Variants in ARHGAP32 observed in about 807,000 individuals in gnomAD.
ARHGAP32 encodes Rho GTPase activating protein 32, also known as rho GTPase-activating protein 32.
In ARHGAP32, 51 loss-of-function variants were observed where a neutral mutation model predicts 186.5. That is an observed-to-expected ratio of 0.27 (90% CI 0.22 to 0.35). ARHGAP32 has a LOEUF of 0.35. Ranked by LOEUF, ARHGAP32 falls within the 10% of genes least tolerant of loss-of-function variation. ARHGAP32 has a pLI of 1.00. For missense variants in ARHGAP32, 2,186 were observed against 2,623.5 expected (o/e 0.83, Z 3.64); for synonymous variants, 950 against 964.3 (o/e 0.99, Z 0.27).
At chr11:129,103,693 G>A (rs1341207807) in intron 5 of ARHGAP32, among the ~76,000 whole-genome samples, 1 of 151,996 alleles carries the variant, frequency 6.6e-6, no homozygotes, top group African/African-American at 2.4e-5. Flanking sequence ...AATAACAGCT[G>A]ACTTCTCATC....
chr11:129,016,829 T>C (rs182823241), intron 11 of ARHGAP32, among the ~76,000 whole-genome samples: 32 of 152,352 alleles, frequency 2.1e-4, no homozygotes, highest in Non-Finnish European at 3.8e-4. Context: ...GATACTGAGC[T>C]TTCTTTTCCA....
intron 2 of ARHGAP32, among the ~76,000 whole-genome samples, chr11:129,152,229 T>G (rs779389755): frequency 4.6e-5 from 7 of 152,198 alleles, no homozygotes; most frequent in Middle Eastern, 3.4e-3. Context: ...AGTAGTGAGA[T>G]TCAAACAGTA....
intron 1 of ARHGAP32, among the ~76,000 whole-genome samples, chr11:129,198,789 G>T (rs181264314): frequency 3.8e-4 from 58 of 152,348 alleles, no homozygotes; most frequent in African/African-American, 1.3e-3. Flanking sequence ...AAATGTGGAA[G>T]CAACTTTGGA....
intron 10 of ARHGAP32, among the ~76,000 whole-genome samples, chr11:129,054,951 T>C (rs1221052904): frequency 6.6e-6 from 1 of 152,224 alleles, no homozygotes; most frequent in Non-Finnish European, 1.5e-5. Flanking sequence ...TGGTCTGGGC[T>C]AGTGCAATAC....
intron 1 of ARHGAP32, among the ~76,000 whole-genome samples, chr11:129,255,246 T>C (rs73021038): frequency 0.044 from 6,676 of 152,212 alleles, 173 homozygotes; most frequent in Middle Eastern, 0.068. Flanking sequence ...GTATGTGGTT[T>C]ACCTGATTTA....
intron 1 of ARHGAP32, among the ~76,000 whole-genome samples, chr11:129,203,665 G>A (rs1175145365): frequency 1.3e-5 from 2 of 150,046 alleles, no homozygotes; most frequent in Non-Finnish European, 3.0e-5. Flanking sequence ...TGAGGCAGGA[G>A]GATCCCTTAA....
chr11:129,241,002 G>A (rs1369527886), intron 1 of ARHGAP32, among the ~76,000 whole-genome samples: 1 of 152,188 alleles, frequency 6.6e-6, no homozygotes, highest in Admixed American at 6.5e-5. Flanking sequence ...AGACATTCCT[G>A]AATTTGAATT....
chr11:129,046,818 C>T (rs9633963), intron 10 of ARHGAP32, among the ~76,000 whole-genome samples: 27,625 of 151,864 alleles, frequency 0.18, 2,659 homozygotes, highest in Non-Finnish European at 0.2. Flanking sequence ...ATGTGCTTAT[C>T]GCTGACTTAA....
At chr11:129,271,813 C>T (rs1945476318) in intron 1 of ARHGAP32, among the ~76,000 whole-genome samples, 1 of 152,124 alleles carries the variant, frequency 6.6e-6, no homozygotes, top group African/African-American at 2.4e-5. Context: ...AAATAAGATA[C>T]AAACATTGAA....
At chr11:128,991,541 T>A (rs1200925755) in intron 12 of ARHGAP32, among the ~76,000 whole-genome samples, 1 of 151,936 alleles carries the variant, frequency 6.6e-6, no homozygotes, top group Non-Finnish European at 1.5e-5. Flanking sequence ...GTAAAAAAAA[T>A]CCTAGTTTTA....
chr11:129,177,171 A>C (rs1054390806), intron 1 of ARHGAP32, among the ~76,000 whole-genome samples: 1 of 152,176 alleles, frequency 6.6e-6, no homozygotes, highest in Admixed American at 6.5e-5. Flanking sequence ...CTACGCAAAT[A>C]AACTAGAAAA....
chr11:129,223,746 C>T (rs1944743902), intron 1 of ARHGAP32, among the ~76,000 whole-genome samples: 2 of 152,158 alleles, frequency 1.3e-5, no homozygotes, highest in Non-Finnish European at 2.9e-5. Flanking sequence ...AAATTCAATA[C>T]TCCTGTCAGA....
At chr11:129,231,421 A>C (rs1944857179) in intron 1 of ARHGAP32, among the ~76,000 whole-genome samples, 1 of 152,190 alleles carries the variant, frequency 6.6e-6, no homozygotes, top group Non-Finnish European at 1.5e-5. Flanking sequence ...CTCAAATGTA[A>C]GTATGATGTG....
intron 19 of ARHGAP32, among the ~76,000 whole-genome samples, chr11:128,978,201 A>G (rs1330272500): frequency 6.6e-6 from 1 of 152,216 alleles, no homozygotes; most frequent in Non-Finnish European, 1.5e-5. Flanking sequence ...TGAATTGAAC[A>G]TTATACTTCT....
At chr11:129,022,372 GT>G (rs572494225) in intron 11 of ARHGAP32, among the ~76,000 whole-genome samples, 1 of 152,148 alleles carries the variant, frequency 6.6e-6, no homozygotes, top group South Asian at 2.1e-4. Context: ...GATTTTGTGG[GT>G]TTTGTTTTGT....
At chr11:129,200,708 A>C (rs1944446608) in intron 1 of ARHGAP32, among the ~76,000 whole-genome samples, 1 of 152,192 alleles carries the variant, frequency 6.6e-6, no homozygotes, top group Non-Finnish European at 1.5e-5. Context: ...AAAATAGAAA[A>C]AATAATACCT....
chr11:129,152,998 T>A (rs959502159), intron 2 of ARHGAP32, among the ~76,000 whole-genome samples: 2 of 152,044 alleles, frequency 1.3e-5, no homozygotes, highest in Non-Finnish European at 2.9e-5. Context: ...TAATGACTCA[T>A]CTAAAAAAGC....
intron 1 of ARHGAP32, among the ~76,000 whole-genome samples, chr11:129,209,576 TG>T (rs1400528733): frequency 6.6e-6 from 1 of 152,000 alleles, no homozygotes; most frequent in African/African-American, 2.4e-5. Context: ...AGAAATGGCT[TG>T]GAAGACTGCA....
At chr11:129,026,072 C>A (rs1435227560) in intron 11 of ARHGAP32, among the ~76,000 whole-genome samples, 2 of 151,824 alleles carry the variant, frequency 1.3e-5, no homozygotes, top group Non-Finnish European at 2.9e-5. Flanking sequence ...TACCCTAATG[C>A]CATATAAAAA....
Sources: allele counts gnomAD v4.1 joint callset (sites outside exome capture counted in the v4.1 genomes callset), GRCh38; gene constraint gnomAD v4.1.1; transcripts MANE v1.5; gene names NCBI Gene and HGNC (gene_info 2026-07-23, HGNC 2026-07-21).